ARHGAP42: variants seen among roughly 807,000 people sequenced by gnomAD.
The protein encoded by ARHGAP42 is rho GTPase-activating protein 42.
In ARHGAP42, 63 loss-of-function variants were observed where a neutral mutation model predicts 125.0. The observed-to-expected ratio is 0.50, with a 90% confidence interval of 0.41 to 0.62. The LOEUF (loss-of-function observed/expected upper bound fraction) is 0.62, where lower values mean the gene tolerates loss of function less well. Ranked by LOEUF, ARHGAP42 falls within the 20% of genes least tolerant of loss-of-function variation. The pLI is 0.00. For missense variants in ARHGAP42, 766 were observed against 1,024.2 expected (o/e 0.75, Z 3.44); for synonymous variants, 339 against 351.0 (o/e 0.97, Z 0.38).
At chr11:100,888,872 G>A (rs1866155957) in intron 4 of ARHGAP42, among the ~76,000 whole-genome samples, 1 of 152,152 alleles carries the variant, frequency 6.6e-6, no homozygotes, top group Admixed American at 6.6e-5. Flanking sequence ...AATCTGTTGG[G>A]TGTAATGCTT....
At chr11:100,750,097 C>T (rs573913757) in intron 1 of ARHGAP42, among the ~76,000 whole-genome samples, 1 of 152,166 alleles carries the variant, frequency 6.6e-6, no homozygotes, top group African/African-American at 2.4e-5. Context: ...GACTGCCCCC[C>T]AGAGGGGAAT....
intron 4 of ARHGAP42, among the ~76,000 whole-genome samples, chr11:100,863,382 C>T (rs1004962135): frequency 1.3e-5 from 2 of 152,160 alleles, no homozygotes; most frequent in Non-Finnish European, 2.9e-5. Flanking sequence ...CAGCTTGGTC[C>T]ACACAGGCAA....
intron 3 of ARHGAP42, among the ~76,000 whole-genome samples, chr11:100,803,798 G>T (rs1863922201): frequency 6.6e-6 from 1 of 151,848 alleles, no homozygotes; most frequent in African/African-American, 2.4e-5. Flanking sequence ...TTTTTTCTTG[G>T]CTATATCTTT....
intron 1 of ARHGAP42, among the ~76,000 whole-genome samples, chr11:100,744,626 A>G (rs906451687): frequency 8.6e-5 from 13 of 151,624 alleles, no homozygotes; most frequent in African/African-American, 3.2e-4. Context: ...TAATGTTTAC[A>G]GTTTATTGTA....
intron 1 of ARHGAP42, among the ~76,000 whole-genome samples, chr11:100,750,285 G>A (rs999178909): frequency 2.6e-5 from 4 of 152,254 alleles, no homozygotes; most frequent in Admixed American, 6.5e-5. Flanking sequence ...GAGGGGAAGG[G>A]GTTCTTATTC....
chr11:100,719,181 C>T (rs1164592867), intron 1 of ARHGAP42, among the ~76,000 whole-genome samples: 1 of 152,308 alleles, frequency 6.6e-6, no homozygotes, highest in Non-Finnish European at 1.5e-5. Context: ...ATTCACATTT[C>T]TTGCTTCCTA....
intron 2 of ARHGAP42, among the ~76,000 whole-genome samples, chr11:100,786,701 T>G (rs1380735330): frequency 6.6e-6 from 1 of 152,154 alleles, no homozygotes; most frequent in East Asian, 1.9e-4. Context: ...TACTGTGACT[T>G]TCACCCTGGA....
intron 5 of ARHGAP42, among the ~76,000 whole-genome samples, chr11:100,919,289 C>G (rs1481783634): frequency 6.6e-6 from 1 of 152,148 alleles, no homozygotes; most frequent in East Asian, 1.9e-4. Flanking sequence ...GAGATATTTG[C>G]ATAAACCGTA....
At chr11:100,704,121 A>G (rs1464249741) in intron 1 of ARHGAP42, among the ~76,000 whole-genome samples, 1 of 152,214 alleles carries the variant, frequency 6.6e-6, no homozygotes, top group Non-Finnish European at 1.5e-5. Flanking sequence ...GCTCAGTGAG[A>G]ACATTGAATT....
At position 100,988,722 on chromosome 11, in the gene ARHGAP42, C is replaced by T; in HGVS notation, c.2546C>T (p.Ser849Leu). 6.5e-7 allele frequency: 1 copy of T among 1,549,524 alleles called. No individual in the cohort carries two copies. The highest frequency in any genetic ancestry group is 8.7e-7 in the Non-Finnish European group (1 of 1,145,468). The stretch of plus-strand genomic sequence containing the variant: ...TTATTTATTTTGCCAGTGTACCCAT[C>T]AGTGGAACCAGGATGGTTAAAGGCA... ...QGAIFSNVYP[S>L]VEPGWLKATY... Residue 849 changes from serine to leucine, a missense_variant, in exon 24 of 24, where the codon TCA becomes TTA. Around this residue, in one of 3 missense-constraint regions of ARHGAP42, gnomAD observed 308 missense variants for 369.7 expected, o/e 0.83. Transcript: ENST00000298815.
chr11:100,921,878 G>A (rs888513507), intron 6 of ARHGAP42, among the ~76,000 whole-genome samples: 1 of 151,762 alleles, frequency 6.6e-6, no homozygotes, highest in Admixed American at 6.6e-5. Flanking sequence ...GTATACTATG[G>A]ATTCAGTTAA....
intron 3 of ARHGAP42, among the ~76,000 whole-genome samples, chr11:100,801,629 G>GT (rs1001128359): frequency 2.6e-5 from 4 of 151,802 alleles, no homozygotes; most frequent in Non-Finnish European, 4.4e-5. Flanking sequence ...TTGTTTGTTT[G>GT]TTTTTTTACA....
chr11:100,751,773 C>CTTTTTTTTTTTT (rs757372755), intron 1 of ARHGAP42, among the ~76,000 whole-genome samples: 2 of 84,358 alleles, frequency 2.4e-5, no homozygotes, highest in Non-Finnish European at 2.3e-5. Flanking sequence ...AGACAGGCAC[C>CTTTTTTTTTTTT]TTTTTTTTTT....
Position 100,913,552 on chromosome 11 carries a change from A to T in ARHGAP42, c.485A>T (p.Glu162Val). The change falls in exon 5 of 24, where the codon GAG (glutamate) becomes GTG (valine). Residue 162 changes from glutamate to valine, a missense_variant and splice_region_variant. Glu to Val is a moderately radical substitution (Grantham distance 121). This residue lies in a region of ARHGAP42 where 455 missense variants were observed against 636.5 expected (regional missense o/e 0.71). Transcript: ENST00000298815. ...AAGAAAAAGGAGTCTCATTTACAAGAGGTAAGCTTTTCCAACTGAAATAAT... is the reference window on the plus strand; with the variant it reads ...AAGAAAAAGGAGTCTCATTTACAAGTGGTAAGCTTTTCCAACTGAAATAAT... ...SAKKKESHLQ[E>V]ADTQIDREHQ... The T allele has an allele frequency of 7.8e-7, 1 of 1,284,070 alleles. No individual in the cohort carries two copies. The highest frequency in any genetic ancestry group is 1.0e-6 in the Non-Finnish European group (1 of 978,958). 79.5% of individuals were successfully genotyped at this position (1,284,070 alleles called of 1,614,324 possible). A position where few individuals can be genotyped will look rare whatever the true frequency, so the allele number is the denominator to read the frequency against.
At chr11:100,929,516 A>G (rs1169766895) in intron 6 of ARHGAP42, among the ~76,000 whole-genome samples, 2 of 152,150 alleles carry the variant, frequency 1.3e-5, no homozygotes, top group African/African-American at 4.8e-5. Context: ...GCACCCCTTG[A>G]CACTCCCACC....
intron 4 of ARHGAP42, among the ~76,000 whole-genome samples, chr11:100,872,981 G>C (rs1024476759): frequency 6.6e-6 from 1 of 152,194 alleles, no homozygotes; most frequent in Non-Finnish European, 1.5e-5. Flanking sequence ...TGTACCTGAA[G>C]TATGCCCATC....
intron 4 of ARHGAP42, among the ~76,000 whole-genome samples, chr11:100,897,594 T>TAG (rs1866397224): frequency 6.6e-6 from 1 of 152,178 alleles, no homozygotes; most frequent in South Asian, 2.1e-4. Context: ...TTTATTCTCT[T>TAG]TGAAGCAATT....
intron 1 of ARHGAP42, among the ~76,000 whole-genome samples, chr11:100,697,231 G>A (rs2120186941): frequency 6.6e-6 from 1 of 151,812 alleles, no homozygotes; most frequent in South Asian, 2.1e-4. Flanking sequence ...CGCCCAGGCT[G>A]GAGTGCAGTG....
chr11:100,733,356 T>C (rs1861993738), intron 1 of ARHGAP42, among the ~76,000 whole-genome samples: 1 of 149,408 alleles, frequency 6.7e-6, no homozygotes, highest in Non-Finnish European at 1.5e-5. Flanking sequence ...AAAGGAATTA[T>C]TCACATGACA....
Sources: gnomAD v4.1 joint callset for allele counts (sites outside exome capture counted in the v4.1 genomes callset) on GRCh38, gnomAD v4.1.1 for gene constraint, gnomAD v4.1.1 regional missense constraint, MANE v1.5 for transcripts, NCBI Gene and HGNC (gene_info 2026-07-23, HGNC 2026-07-21) for gene names.